Variants in MAPRE2 observed in about 807,000 individuals in gnomAD.
The protein encoded by MAPRE2 is microtubule-associated protein RP/EB family member 2.
MAPRE2 carries 13 observed loss-of-function variants against 43.2 expected under a neutral mutation model. The observed-to-expected ratio is 0.30, with a 90% CI of 0.20 to 0.48. The LOEUF is 0.48. MAPRE2 is among the 20% of genes least tolerant of loss of function. The pLI is 0.99. For missense variants in MAPRE2, 161 were observed against 400.2 expected, an observed-to-expected ratio of 0.40 and a Z score of 5.10; for synonymous variants, 135 against 148.8, an observed-to-expected ratio of 0.91 and a Z score of 0.68.
At chr18:35,005,058 T>C (rs1204217649) in intron 1 of MAPRE2, among the ~76,000 whole-genome samples, 1 of 152,202 alleles carries the variant, frequency 6.6e-6, no homozygotes, top group East Asian at 1.9e-4. Context: ...ATACTAAATA[T>C]AAAACCTGGT....
At chr18:35,095,806 C>G (rs766697282) in intron 2 of MAPRE2, among the ~76,000 whole-genome samples, 1 of 152,104 alleles carries the variant, frequency 6.6e-6, no homozygotes, top group Non-Finnish European at 1.5e-5. Context: ...AAAGAATACC[C>G]TCCAGATCAT....
chr18:35,126,420 A>T (rs1432921973), intron 4 of MAPRE2, among the ~76,000 whole-genome samples: 1 of 152,210 alleles, frequency 6.6e-6, no homozygotes, highest in Non-Finnish European at 1.5e-5. Context: ...AACATTTAGA[A>T]ACCAAAGTTT....
chr18:35,078,795 T>C (rs1249946275), intron 2 of MAPRE2, among the ~76,000 whole-genome samples: 1 of 152,170 alleles, frequency 6.6e-6, no homozygotes, highest in Non-Finnish European at 1.5e-5. Context: ...ATGAGACATA[T>C]CTGGTAATTC....
intron 1 of MAPRE2, among the ~76,000 whole-genome samples, chr18:35,002,932 A>T (rs1198147380): frequency 1.3e-5 from 2 of 152,012 alleles, no homozygotes; most frequent in Admixed American, 1.3e-4. Context: ...CCTCTTCCAG[A>T]TTGTGTTTTT....
chr18:35,078,880 T>C (rs1422952981), intron 2 of MAPRE2, among the ~76,000 whole-genome samples: 1 of 152,130 alleles, frequency 6.6e-6, no homozygotes, highest in Non-Finnish European at 1.5e-5. Flanking sequence ...GACAGAGACA[T>C]TTGCTCCTAG....
chr18:35,041,328 C>G, upstream of MAPRE2: 1 of 1,428,032 alleles, frequency 7.0e-7, no homozygotes, highest in South Asian at 1.5e-5. Context: ...AGGCTGGCCA[C>G]GTGACCAGGG....
chr18:35,134,969 G>A (rs1353487485), intron 6 of MAPRE2, among the ~76,000 whole-genome samples: 2 of 152,176 alleles, frequency 1.3e-5, no homozygotes, highest in Non-Finnish European at 2.9e-5. Flanking sequence ...ATATGCTGGG[G>A]AGTACCCAAA....
intron 2 of MAPRE2, among the ~76,000 whole-genome samples, chr18:35,033,597 T>C (rs1306632510): frequency 1.7e-4 from 26 of 151,648 alleles, no homozygotes; most frequent in African/African-American, 6.0e-4. Context: ...ATGACATGAT[T>C]GTATATCTAG....
intron 2 of MAPRE2, among the ~76,000 whole-genome samples, chr18:35,015,145 G>T (rs187734320): frequency 6.6e-6 from 1 of 152,036 alleles, no homozygotes; most frequent in East Asian, 1.9e-4. Context: ...TACTTTCCTG[G>T]CCAGAGAGTC....
chr18:35,124,686 A>G (rs1909830127), intron 4 of MAPRE2, among the ~76,000 whole-genome samples: 1 of 152,202 alleles, frequency 6.6e-6, no homozygotes, highest in South Asian at 2.1e-4. Context: ...GACTTCCTTT[A>G]TATTAAAATA....
At chr18:34,996,352 C>A (rs961214078) in intron 1 of MAPRE2, among the ~76,000 whole-genome samples, 1 of 152,078 alleles carries the variant, frequency 6.6e-6, no homozygotes, top group South Asian at 2.1e-4. Flanking sequence ...TCATAAGCAG[C>A]GGGCAACCTA....
chr18:35,126,394 C>T (rs1909903159), intron 4 of MAPRE2, among the ~76,000 whole-genome samples: 1 of 152,116 alleles, frequency 6.6e-6, no homozygotes, highest in African/African-American at 2.4e-5. Context: ...CTCAAGAAGC[C>T]CTTTTATTGC....
chr18:35,005,981 G>A (rs2097031669), intron 2 of MAPRE2, among the ~76,000 whole-genome samples: 2 of 152,182 alleles, frequency 1.3e-5, no homozygotes, highest in South Asian at 4.1e-4. Flanking sequence ...GTGCGAGCGT[G>A]CGAGCATGTC....
intron 1 of MAPRE2, 67 bp from the exon 2 acceptor site, chr18:35,070,128 G>T (rs141232454): frequency 7.6e-6 from 11 of 1,438,306 alleles, no homozygotes; most frequent in Middle Eastern, 1.8e-4. Context: ...TCTTGACCTC[G>T]AATAGGTATC....
intron 2 of MAPRE2, among the ~76,000 whole-genome samples, chr18:35,033,098 A>G (rs2097048613): frequency 6.6e-6 from 1 of 152,148 alleles, no homozygotes. Context: ...ATGAACATTG[A>G]TGCAAAAATC....
At chr18:35,043,070 A>T (rs984914375) in intron 1 of MAPRE2, among the ~76,000 whole-genome samples, 6 of 152,198 alleles carry the variant, frequency 3.9e-5, no homozygotes, top group Non-Finnish European at 7.3e-5. Context: ...GCATTCTTAC[A>T]GATTTCAAGT....
rs1453509773 is a variant in MAPRE2 at position 35,014,435 on chromosome 18, C to T, written c.-8+8882C>T. ...GCAGGTCTCGGCAGTCTATATAAGG[C>T]ATATATACCTGGCAGATAAAAATTG... On this transcript the variant is annotated intron_variant, in intron 2 of 7. Transcript: ENST00000413393. Among the ~76,000 whole-genome samples, 4 of 149,622 alleles carry T rather than the reference C, an allele frequency of 2.7e-5. No homozygotes were observed. In the East Asian group the frequency reaches 5.9e-4, roughly 22 times the overall value.
chr18:35,075,955 C>T lies in MAPRE2; in HGVS notation c.250+5633C>T, dbSNP rs117126900. 5.6e-3 allele frequency among the ~76,000 whole-genome samples: 845 copies of T among 152,160 alleles called. 12 individuals carry two copies. Among genetic ancestry groups the T allele is most frequent in the Non-Finnish European group, 8.9e-3 (608 of 68,022 alleles). On this transcript the variant is annotated intron_variant, in intron 2 of 6. Coordinates refer to ENST00000300249, the MANE Select transcript of MAPRE2 (RefSeq NM_014268.4). The stretch of plus-strand genomic sequence containing the variant: ...CATTTACATCTTGACACTTTGCTCC[C>T]GAAGATGAACGTAAATTGCTGTTTC...
intron 1 of MAPRE2, chr18:34,988,588 T>C (rs2097022192): frequency 6.6e-6 from 1 of 152,184 alleles, no homozygotes; most frequent in South Asian, 2.1e-4. Flanking sequence ...ATCTGCTTCA[T>C]ATAGGGCTGC....
Sources: gnomAD v4.1 joint callset for allele counts (sites outside exome capture counted in the v4.1 genomes callset) on GRCh38, gnomAD v4.1.1 for gene constraint, MANE v1.5 for transcripts, NCBI Gene and HGNC (gene_info 2026-07-23, HGNC 2026-07-21) for gene names.